COL14A1: variants seen among roughly 807,000 people sequenced by gnomAD.
The protein encoded by COL14A1 is collagen alpha-1(XIV) chain.
Under a neutral mutation model 230.3 loss-of-function variants are expected in COL14A1, and 136 were observed. The ratio of observed to expected loss-of-function variants is 0.59; its 90% confidence interval spans 0.51 to 0.68. The LOEUF (loss-of-function observed/expected upper bound fraction) is 0.68, where lower values mean the gene tolerates loss of function less well. Among genes scored for constraint, COL14A1 ranks in the 30% least tolerant of loss-of-function variants. The pLI is 0.00. For synonymous variants in COL14A1, 792 were observed against 784.1 expected (o/e 1.01, Z -0.17); for missense variants, 1,976 against 2,215.8 (o/e 0.89, Z 2.17).
intron 25 of COL14A1, among the ~76,000 whole-genome samples, chr8:120,268,057 A>G (rs1819549209): frequency 6.6e-6 from 1 of 151,880 alleles, no homozygotes; most frequent in Non-Finnish European, 1.5e-5. Flanking sequence ...AGACACAAAT[A>G]AACAGAGGCA....
chr8:120,158,020 C>G (rs548111299), intron 2 of COL14A1, 110 bp from the exon 3 acceptor site: 17 of 601,350 alleles, frequency 2.8e-5, no homozygotes, highest in South Asian at 1.7e-4. Context: ...TATTTTGAGG[C>G]TGATGAAGTC....
At chr8:120,347,899 A>C (rs1279557536) in intron 45 of COL14A1, among the ~76,000 whole-genome samples, 1 of 152,148 alleles carries the variant, frequency 6.6e-6, no homozygotes, top group East Asian at 1.9e-4. Context: ...CACATAATGA[A>C]CTACAAAAGC....
intron 23 of COL14A1, among the ~76,000 whole-genome samples, 177 bp downstream of exon 23, chr8:120,255,533 A>C (rs1045583143): frequency 1.3e-5 from 2 of 152,156 alleles, no homozygotes; most frequent in African/African-American, 4.8e-5. Flanking sequence ...TGAATTACTA[A>C]CCCTCTGGAA....
chr8:120,289,235 C>T (rs1563389), intron 33 of COL14A1, among the ~76,000 whole-genome samples: 77,460 of 151,942 alleles, frequency 0.51, 20,675 homozygotes, highest in African/African-American at 0.68. Context: ...GTTGGTGATA[C>T]ATCAACAAAG....
intron 35 of COL14A1, among the ~76,000 whole-genome samples, chr8:120,297,971 A>G (rs1269455076): frequency 6.6e-6 from 1 of 152,080 alleles, no homozygotes; most frequent in Admixed American, 6.6e-5. Context: ...CAGTAGCCAT[A>G]TAAAATAACA....
At chr8:120,295,200 G>T (rs1419933796) in intron 34 of COL14A1, among the ~76,000 whole-genome samples, 2 of 151,768 alleles carry the variant, frequency 1.3e-5, no homozygotes, top group African/African-American at 4.8e-5. Context: ...CTGTCATAAT[G>T]GGACCTATTT....
At chr8:120,198,040 A>G in intron 7 of COL14A1, 110 bp downstream of exon 7, 2 of 1,093,956 alleles carry the variant, frequency 1.8e-6, no homozygotes, top group Non-Finnish European at 2.6e-6. Flanking sequence ...TTAAACTAGC[A>G]CTTAGGATTC....
intron 23 of COL14A1, among the ~76,000 whole-genome samples, chr8:120,260,369 A>G (rs549602088): frequency 1.3e-5 from 2 of 152,254 alleles, no homozygotes; most frequent in East Asian, 3.9e-4. Flanking sequence ...TATAAAATAG[A>G]CAAAAATTGT....
chr8:120,185,988 G>C (rs1284857667), intron 5 of COL14A1, among the ~76,000 whole-genome samples: 1 of 152,034 alleles, frequency 6.6e-6, no homozygotes, highest in African/African-American at 2.4e-5. Flanking sequence ...GGCCTGTCTG[G>C]TCTCGAACTC....
At position 120,297,517 on chromosome 8, in the gene COL14A1, T is replaced by C. The variant is rs1563724072; in HGVS notation, c.4243T>C (p.Leu1415=). ...TTTTCTTTTTAAATCATAGTTCCAG[T>C]TACAGATGTTTGATATTGTTTGCTC... ...GPGGNSAPFQ[L]QMFDIVCSTS... Residue 1415 remains leucine (L), a synonymous_variant, in exon 35 of 48, where the codon TTA becomes CTA. Transcript: ENST00000297848. 2.8e-6 allele frequency: 4 copies of C among 1,450,384 alleles called. No homozygotes were observed. Among genetic ancestry groups the C allele is most frequent in the Non-Finnish European group, 3.6e-6 (4 of 1,102,200 alleles). 89.8% of individuals were successfully genotyped at this position (1,450,384 alleles called of 1,614,324 possible).
intron 5 of COL14A1, among the ~76,000 whole-genome samples, chr8:120,171,000 C>G (rs1816077474): frequency 6.6e-6 from 1 of 151,942 alleles, no homozygotes; most frequent in South Asian, 2.1e-4. Flanking sequence ...GTTGATGTTA[C>G]TGATAATTTT....
In COL14A1 at chr8:120,316,766, C is replaced by T. The variant is rs191345442; in HGVS notation, c.4659+769C>T. On this transcript the variant is annotated intron_variant, in intron 40 of 47. Coordinates refer to ENST00000297848, the MANE Select transcript of COL14A1 (RefSeq NM_021110.4). ...AGCCAGGTGAACAAGGAAAGGAAAG[C>T]TATTGCAAGCAGAGGAAAGAGCATA... Among the ~76,000 whole-genome samples, 4 of 151,908 alleles carry T rather than the reference C, an allele frequency of 2.6e-5. No individual in the cohort carries two copies. In the East Asian group the frequency reaches 5.9e-4, roughly 22 times the overall value.
chr8:120,234,785 G>T (rs1440216211), intron 19 of COL14A1, among the ~76,000 whole-genome samples: 1 of 152,048 alleles, frequency 6.6e-6, no homozygotes, highest in African/African-American at 2.4e-5. Flanking sequence ...TTTTTTTGTT[G>T]TGTCTCTGCC....
chr8:120,150,349 T>C (rs1211268966), intron 2 of COL14A1, among the ~76,000 whole-genome samples: 2 of 152,100 alleles, frequency 1.3e-5, no homozygotes, highest in Admixed American at 1.3e-4. Context: ...ATATACTAAA[T>C]TGTCCATGAA....
chr8:120,275,554 A>C (rs554422555), intron 26 of COL14A1, among the ~76,000 whole-genome samples: 1 of 152,056 alleles, frequency 6.6e-6, no homozygotes, highest in Non-Finnish European at 1.5e-5. Context: ...AAACACAAGA[A>C]TGGGAGAAAA....
intron 32 of COL14A1, 53 bp downstream of exon 32, chr8:120,283,831 G>A: frequency 6.7e-7 from 1 of 1,483,216 alleles, no homozygotes; most frequent in African/African-American, 1.4e-5. Context: ...AGTAATGTAT[G>A]TGGCATGCCA....
chr8:120,212,808 T>C (rs1563675478), intron 13 of COL14A1, among the ~76,000 whole-genome samples: 1 of 152,182 alleles, frequency 6.6e-6, no homozygotes, highest in East Asian at 1.9e-4. Context: ...TCCACCTATG[T>C]CTTTCTTTGT....
chr8:120,328,589 C>T (rs550607676), intron 40 of COL14A1, among the ~76,000 whole-genome samples: 7 of 152,168 alleles, frequency 4.6e-5, no homozygotes, highest in Admixed American at 3.9e-4. Context: ...CCAAATTAAG[C>T]TCATATGTAG....
At chr8:120,349,296 C>G (rs1283208688) in intron 45 of COL14A1, among the ~76,000 whole-genome samples, 2 of 149,042 alleles carry the variant, frequency 1.3e-5, no homozygotes, top group East Asian at 2.0e-4. Context: ...AAAAACAGAA[C>G]AGAAAAACTG....
Sources: allele counts gnomAD v4.1 joint callset (sites outside exome capture counted in the v4.1 genomes callset), GRCh38; gene constraint gnomAD v4.1.1; transcripts MANE v1.5; gene names NCBI Gene and HGNC (gene_info 2026-07-23, HGNC 2026-07-21).